EIF4E3: variants seen among roughly 807,000 people sequenced by gnomAD.
EIF4E3 encodes eukaryotic translation initiation factor 4E type 3.
In EIF4E3, 26 loss-of-function variants were observed where a neutral mutation model predicts 31.7. The ratio of observed to expected loss-of-function variants is 0.82; its 90% CI spans 0.60 to 1.14. The LOEUF (loss-of-function observed/expected upper bound fraction) is 1.14, where lower values mean the gene tolerates loss of function less well. Among genes scored for constraint, EIF4E3 ranks in the 50% most tolerant of loss-of-function variants. EIF4E3 has a pLI of 0.00. For missense variants in EIF4E3, 304 were observed against 270.9 expected, an observed-to-expected ratio of 1.12 and a Z score of -0.86; for synonymous variants, 128 against 107.7, an observed-to-expected ratio of 1.19 and a Z score of -1.17.
the EIF4E3 span, among the ~76,000 whole-genome samples, chr3:71,669,801 C>T: frequency 9.2e-5 from 14 of 151,744 alleles, no homozygotes; most frequent in African/African-American, 3.1e-4. Context: ...TTTAGCAGAA[C>T]AAAAAAAGGA....
intron 2 of EIF4E3, among the ~76,000 whole-genome samples, chr3:71,708,052 T>G (rs1013688154): frequency 6.6e-6 from 1 of 152,024 alleles, no homozygotes; most frequent in Non-Finnish European, 1.5e-5. Context: ...TTTTGTATTT[T>G]TAGTAGAGAC....
intron 5 of EIF4E3, among the ~76,000 whole-genome samples, chr3:71,692,803 T>C (rs1044984163): frequency 6.6e-6 from 1 of 151,928 alleles, no homozygotes. Context: ...CTATGTTACG[T>C]AGGGTGGTTT....
chr3:71,695,437 A>G (rs982705758), intron 4 of EIF4E3, among the ~76,000 whole-genome samples: 1 of 152,244 alleles, frequency 6.6e-6, no homozygotes, highest in Non-Finnish European at 1.5e-5. Flanking sequence ...TACTTCTACT[A>G]GAGTTCAAAG....
chr3:71,702,337 G>C (rs2049228994), intron 2 of EIF4E3, among the ~76,000 whole-genome samples: 1 of 152,110 alleles, frequency 6.6e-6, no homozygotes, highest in Non-Finnish European at 1.5e-5. Context: ...GTAAAACTAA[G>C]AGGACTTTGG....
At chr3:71,743,086 A>T (rs961877200) in intron 1 of EIF4E3, among the ~76,000 whole-genome samples, 2 of 152,180 alleles carry the variant, frequency 1.3e-5, no homozygotes, top group Non-Finnish European at 2.9e-5. Flanking sequence ...ATGAGAGAAG[A>T]GACCAATAAG....
Position 71,698,223 on chromosome 3 carries a change from G to A in EIF4E3, c.344+1391C>T, listed in dbSNP as rs142975364. 2.1e-3 allele frequency among the ~76,000 whole-genome samples: 316 copies of A among 152,300 alleles called. 1 individual carries two copies. The highest frequency in any genetic ancestry group is 6.8e-3 in the African/African-American group (284 of 41,544). On this transcript the variant is annotated intron_variant, in intron 3 of 6. Transcript: ENST00000425534. ...AGCGATTGAGAGGGAAGAAAGTGGC[G>A]TTCAGTGGCTACATGGGCAGGGAGG...
At chr3:71,714,003 G>T (rs925788894) in intron 1 of EIF4E3, among the ~76,000 whole-genome samples, 1 of 152,064 alleles carries the variant, frequency 6.6e-6, no homozygotes. Flanking sequence ...CTGAGGTCAG[G>T]TGTTCGAGAC....
In EIF4E3 at chr3:71,699,584, T is replaced by C. The variant is rs376075625; in HGVS notation, c.344+30A>G. 1.0e-5 allele frequency: 16 copies of C among 1,592,396 alleles called. No homozygotes were observed. In the African/African-American group the frequency reaches 2.0e-4, roughly 20 times the overall value. On this transcript the variant is annotated intron_variant, in intron 3 of 6. Coordinates refer to ENST00000425534, the MANE Select transcript of EIF4E3 (RefSeq NM_001134651.2). ...GGTTCACAAACATTTTCCTCCCACCTTGACCTTAAATTACACGTTAGACAC... is the reference window on the plus strand; with the variant it reads ...GGTTCACAAACATTTTCCTCCCACCCTGACCTTAAATTACACGTTAGACAC...
At chr3:71,744,810 T>C (rs369589163) in intron 1 of EIF4E3, among the ~76,000 whole-genome samples, 7 of 152,264 alleles carry the variant, frequency 4.6e-5, no homozygotes, top group African/African-American at 1.4e-4. Flanking sequence ...TGTATACCAC[T>C]TGAAAATGAA....
At chr3:71,686,047 T>C (rs936415788) in intron 6 of EIF4E3, among the ~76,000 whole-genome samples, 1 of 152,188 alleles carries the variant, frequency 6.6e-6, no homozygotes, top group Non-Finnish European at 1.5e-5. Flanking sequence ...AGTAGCATCA[T>C]GCTACTCGGC....
intron 2 of EIF4E3, among the ~76,000 whole-genome samples, chr3:71,700,412 T>A (rs541018864): frequency 1.3e-5 from 2 of 152,118 alleles, no homozygotes; most frequent in Middle Eastern, 6.8e-3. Flanking sequence ...TTTGTTACAA[T>A]AGACCCTGTC....
rs1300173065 is a variant in EIF4E3 at position 71,682,746 on chromosome 3, T to G, written c.*1936A>C. On this transcript the variant is annotated 3_prime_UTR_variant, in exon 7 of 7. Coordinates refer to ENST00000425534, the MANE Select transcript of EIF4E3 (RefSeq NM_001134651.2). Reference sequence around the variant, plus strand: ...ATTAACGTGAGCCTAACATTCCTATTTATTTTTACTTCAAAGGCTACATAC... The same window carrying G: ...ATTAACGTGAGCCTAACATTCCTATGTATTTTTACTTCAAAGGCTACATAC... 1 of 152,644 alleles carries G rather than the reference T, an allele frequency of 6.6e-6. No individual in the cohort carries two copies. The highest frequency in any genetic ancestry group is 1.5e-5 in the Non-Finnish European group (1 of 68,032). The allele number at this position is 152,644 out of a possible 1,614,324, so 9.5% of individuals were successfully genotyped here.
At chr3:71,672,830 T>G (rs2048854263), downstream of EIF4E3, among the ~76,000 whole-genome samples, 1 of 152,182 alleles carries the variant, frequency 6.6e-6, no homozygotes, top group Non-Finnish European at 1.5e-5. Context: ...TGGGTTGGAC[T>G]GCTCCCTGGC....
intron 1 of EIF4E3, among the ~76,000 whole-genome samples, chr3:71,719,005 T>C (rs931199578): frequency 6.6e-6 from 1 of 152,184 alleles, no homozygotes; most frequent in Non-Finnish European, 1.5e-5. Context: ...GGCAACTCAA[T>C]GAACAAGGAT....
intron 6 of EIF4E3, among the ~76,000 whole-genome samples, chr3:71,687,584 A>G (rs2321973): frequency 0.99 from 151,170 of 152,346 alleles, 75,005 homozygotes; most frequent in East Asian, 1. Flanking sequence ...CAATTCTCAC[A>G]CCAGAAAAGA....
At chr3:71,714,305 C>T (rs2321976) in intron 1 of EIF4E3, among the ~76,000 whole-genome samples, 3 of 90,320 alleles carry the variant, frequency 3.3e-5, no homozygotes, top group African/African-American at 4.8e-5. Context: ...AAGGAAGGAA[C>T]GAAAGAAAGG....
rs1366692143 is a variant in EIF4E3, at chr3:71,701,102, A to C, written c.250-1394T>G. Among the ~76,000 whole-genome samples the C allele has an allele frequency of 2.0e-5, 3 of 152,190 alleles. No individual in the cohort carries two copies. The East Asian group carries it at 5.8e-4, about 29-fold the overall frequency. ...CAGACTTCCAGGCTCCAGAACTGTG[A>C]GAAACAAGGGTTTGTTGCATAAACT... On this transcript the variant is annotated intron_variant, in intron 2 of 6. Coordinates refer to ENST00000425534, the MANE Select transcript of EIF4E3 (RefSeq NM_001134651.2).
At chr3:71,743,872 T>C (rs2049845033) in intron 1 of EIF4E3, among the ~76,000 whole-genome samples, 1 of 152,156 alleles carries the variant, frequency 6.6e-6, no homozygotes. Context: ...GCTGGAACAG[T>C]TGAATATCCA....
In EIF4E3 at chr3:71,678,920, T is replaced by C. The variant is rs2048894204; in HGVS notation, c.*5762A>G. ...ATTTTGAAATTCTTTTATATAATCATTGAAATAAATTCTCCATGAGAATAT... is the reference window on the plus strand; with the variant it reads ...ATTTTGAAATTCTTTTATATAATCACTGAAATAAATTCTCCATGAGAATAT... On this transcript the variant is annotated 3_prime_UTR_variant, in exon 7 of 7. Transcript: ENST00000425534. 1 of 152,216 alleles carries C rather than the reference T, an allele frequency of 6.6e-6. No homozygotes were observed. The highest frequency in any genetic ancestry group is 2.4e-5 in the African/African-American group (1 of 41,458). The allele number at this position is 152,216 out of a possible 1,614,324, so 9.4% of individuals were successfully genotyped here. A position where few individuals can be genotyped will look rare whatever the true frequency, so the allele number is the denominator to read the frequency against.
Sources: allele counts gnomAD v4.1 joint callset (sites outside exome capture counted in the v4.1 genomes callset), GRCh38; gene constraint gnomAD v4.1.1; transcripts MANE v1.5; gene names NCBI Gene and HGNC (gene_info 2026-07-23, HGNC 2026-07-21).